FGG: variants seen among roughly 807,000 people sequenced by gnomAD.
The protein encoded by FGG is fibrinogen gamma chain.
Under a neutral mutation model 51.7 loss-of-function variants are expected in FGG, and 20 were observed. The observed-to-expected ratio is 0.39, with a 90% CI of 0.27 to 0.56. The LOEUF (loss-of-function observed/expected upper bound fraction) is 0.56. Ranked by LOEUF, FGG falls within the 20% of genes least tolerant of loss-of-function variation. The probability of loss-of-function intolerance (pLI) is 0.64; values close to 1 mark genes in which losing one functional copy is unlikely to be tolerated. For synonymous variants in FGG, 184 were observed against 184.7 expected, an observed-to-expected ratio of 1.00 and a Z score of 0.03; for missense variants, 460 against 534.2, an observed-to-expected ratio of 0.86 and a Z score of 1.37.
intron 4 of FGG, among the ~76,000 whole-genome samples, chr4:154,610,435 A>G (rs1731186608): frequency 6.6e-6 from 1 of 152,210 alleles, no homozygotes; most frequent in African/African-American, 2.4e-5. Context: ...ACAGGAATAC[A>G]ATGTGGACCT....
Position 154,606,685 on chromosome 4 carries a change from T to G in FGG, c.1129+20A>C, listed in dbSNP as rs1731102430. On this transcript the variant is annotated intron_variant, in intron 8 of 8. Coordinates refer to ENST00000336098, the MANE Select transcript of FGG (RefSeq NM_021870.3). ...GTATACACTATACATTAACTTGGAA[T>G]CTAAGAAAGGAAAACATACCTTGGT... The G allele has an allele frequency of 6.2e-7, 1 of 1,613,328 alleles. No homozygotes were observed.
In FGG at chr4:154,612,254, A is replaced by T. The variant is rs566983245; in HGVS notation, c.124-53T>A. 233 of 1,586,576 alleles carry T rather than the reference A, an allele frequency of 1.5e-4. 4 individuals carry two copies. The South Asian group carries it at 2.5e-3, about 17-fold the overall frequency. On this transcript the variant is annotated intron_variant, in intron 2 of 8. Coordinates refer to ENST00000336098, the MANE Select transcript of FGG (RefSeq NM_021870.3). ...TAGACAGATGCTACTCTTAAAATCT[A>T]TTAAGAAAAATAGGTAAAACCTAGA...
At chr4:154,608,300 C>T (rs1731136713) in intron 7 of FGG, among the ~76,000 whole-genome samples, 166 bp downstream of exon 7, 2 of 152,144 alleles carry the variant, frequency 1.3e-5, no homozygotes, top group Admixed American at 1.3e-4. Flanking sequence ...ATAGAATTTA[C>T]CTTTTTGGAT....
intron 8 of FGG, 80 bp from the exon 9 acceptor site, chr4:154,605,146 G>A (rs1578807568): frequency 1.4e-6 from 2 of 1,432,264 alleles, no homozygotes; most frequent in East Asian, 2.3e-5. Flanking sequence ...TGTCTATTAC[G>A]AAGTGCATTG....
chr4:154,608,269 A>G lies in FGG; in HGVS notation c.851+197T>C, dbSNP rs1731136219. On this transcript the variant is annotated intron_variant, in intron 7 of 8. Coordinates refer to ENST00000336098, the MANE Select transcript of FGG (RefSeq NM_021870.3). Reference sequence around the variant, plus strand: ...GTTCCAGGGTAATTAGATTGTACCAATACACTTAGATTCATCCTGAATAGA... The same window carrying G: ...GTTCCAGGGTAATTAGATTGTACCAGTACACTTAGATTCATCCTGAATAGA... Among the ~76,000 whole-genome samples, 2 of 152,186 alleles carry G rather than the reference A, an allele frequency of 1.3e-5. 1 individual carries two copies. Among genetic ancestry groups the G allele is most frequent in the South Asian group, 4.1e-4 (2 of 4,826 alleles).
intron 8 of FGG, among the ~76,000 whole-genome samples, chr4:154,605,436 T>C (rs1266981571): frequency 6.6e-6 from 1 of 152,100 alleles, no homozygotes; most frequent in Non-Finnish European, 1.5e-5. Context: ...CCTGATGAGG[T>C]CAACTCAGGT....
chr4:154,607,320 T>C (rs1270237156), intron 7 of FGG, among the ~76,000 whole-genome samples: 2 of 152,248 alleles, frequency 1.3e-5, no homozygotes, highest in Admixed American at 1.3e-4. Context: ...TTTATTGAAA[T>C]GTTATGTGTT....
rs1180326918 is a variant in FGG at position 154,609,542 on chromosome 4, C to T, written c.666+88G>A. The T allele has an allele frequency of 1.6e-5, 24 of 1,482,316 alleles. No individual in the cohort carries two copies. In the East Asian group the frequency reaches 2.3e-4, roughly 14 times the overall value. The allele number at this position is 1,482,316 out of a possible 1,614,324, so 91.8% of individuals were successfully genotyped here. A position where few individuals can be genotyped will look rare whatever the true frequency, so the allele number is the denominator to read the frequency against. On this transcript the variant is annotated intron_variant, in intron 6 of 8. Transcript: ENST00000336098. ...GCTATTGCAAGGATTAAATGAGCTA[C>T]GGTTCACAAGGTGCTTAGAAAAGTA... is the stretch of plus-strand genomic sequence containing the variant.
Position 154,604,786 on chromosome 4 carries a change from G to A in FGG, c.*48C>T. ...AAGAGAAAAAAGGAAGAAACTTTCA[G>A]AGAATTTCTGAAACTTTGTGGGTCA... On this transcript the variant is annotated 3_prime_UTR_variant, in exon 9 of 9. Transcript: ENST00000336098. 1 of 1,611,498 alleles carries A rather than the reference G, an allele frequency of 6.2e-7. No individual in the cohort carries two copies. The highest frequency in any genetic ancestry group is 8.5e-7 in the Non-Finnish European group (1 of 1,179,532).
chr4:154,612,068 A>T lies in FGG; in HGVS notation c.257T>A (p.Leu86Gln). ...ATAAGTGAGTTGGATTGCTTTTATCAGCTGTTTGACTTCTGATGTTTTGTT... is the reference window on the plus strand; with the variant it reads ...ATAAGTGAGTTGGATTGCTTTTATCTGCTGTTTGACTTCTGATGTTTTGTT... ...VENKTSEVKQ[L>Q]IKAIQLTYNP... Residue 86 changes from leucine (L) to glutamine (Q), a missense_variant, in exon 3 of 9, where the codon CTG (leucine) becomes CAG (glutamine). Physicochemically the swap from Leu to Gln is moderately radical, Grantham distance 113. Around this residue, in one of 3 missense-constraint regions of FGG, gnomAD observed 353 missense variants for 391.7 expected, o/e 0.90. Transcript: ENST00000336098. The T allele has an allele frequency of 6.2e-7, 1 of 1,613,042 alleles. No individual in the cohort carries two copies. The highest frequency in any genetic ancestry group is 1.1e-5 in the South Asian group (1 of 90,998).
chr4:154,607,013 C>T (rs1051286771), intron 7 of FGG, 31 bp from the exon 8 acceptor site: 2 of 1,537,190 alleles, frequency 1.3e-6, no homozygotes, highest in South Asian at 2.6e-5. Context: ...CCATCACATG[C>T]TGACCCTCCT....
In FGG at chr4:154,604,861, G is replaced by C; in HGVS notation, c.1335C>G (p.Asp445Glu). The change falls in exon 9 of 9, where the codon GAC (aspartate) becomes GAG (glutamate). Residue 445 changes from aspartate (D) to glutamate (E), a missense_variant. Transcript: ENST00000336098. ...ACAAATCATCCTCAGGGTAAAGTGA[G>C]TCATATTCTGTTTCCGCAGGGTGCT... ...RPEHPAETEYDSLYPEDDL is the reference protein window; with the variant it reads ...RPEHPAETEYESLYPEDDL The C allele has an allele frequency of 6.2e-7, 1 of 1,614,074 alleles. No individual in the cohort carries two copies. The highest frequency in any genetic ancestry group is 1.3e-5 in the African/African-American group (1 of 75,036).
At chr4:154,612,280 C>T (rs1409028826) in intron 2 of FGG, 79 bp from the exon 3 acceptor site, 2 of 1,586,802 alleles carry the variant, frequency 1.3e-6, no homozygotes, top group Non-Finnish European at 1.7e-6. Context: ...AAAACCTAGA[C>T]TATGTTTTTA....
chr4:154,604,859 G>A lies in FGG; in HGVS notation c.1337C>T (p.Ser446Leu). ...PEHPAETEYD[S>L]LYPEDDL is the part of the protein sequence containing the mutation. The stretch of plus-strand genomic sequence containing the variant: ...CTACAAATCATCCTCAGGGTAAAGT[G>A]AGTCATATTCTGTTTCCGCAGGGTG... The change falls in exon 9 of 9, where the codon TCA (serine) becomes TTA (leucine). Residue 446 changes from serine (S) to leucine (L), a missense_variant. This residue lies in a region of FGG where 92 missense variants were observed against 93.7 expected (regional missense o/e 0.98). Transcript: ENST00000336098. The A allele has an allele frequency of 6.2e-7, 1 of 1,614,088 alleles. No homozygotes were observed. The highest frequency in any genetic ancestry group is 8.5e-7 in the Non-Finnish European group (1 of 1,179,944).
At position 154,604,762 on chromosome 4, in the gene FGG, A is replaced by T. The variant is rs1463703851; in HGVS notation, c.*72T>A. The T allele has an allele frequency of 4.4e-6, 7 of 1,604,270 alleles. No homozygotes were observed. The highest frequency in any genetic ancestry group is 5.9e-6 in the Non-Finnish European group (7 of 1,177,074). Reference sequence around the variant, plus strand: ...AGACTTGAAATCAATAAATATAGTAAGAGAAAAAAGGAAGAAACTTTCAGA... The same window carrying T: ...AGACTTGAAATCAATAAATATAGTATGAGAAAAAAGGAAGAAACTTTCAGA... On this transcript the variant is annotated 3_prime_UTR_variant, in exon 9 of 9. Coordinates refer to ENST00000336098, the MANE Select transcript of FGG (RefSeq NM_021870.3).
intron 6 of FGG, among the ~76,000 whole-genome samples, chr4:154,609,418 T>C (rs982946576): frequency 7.2e-5 from 11 of 152,156 alleles, no homozygotes; most frequent in African/African-American, 2.4e-4. Flanking sequence ...GCTGACTCTG[T>C]TGCTTATTAG....
rs1731227050 is a variant in FGG, at chr4:154,612,119, A to G, written c.206T>C (p.Leu69Ser). 6.2e-7 allele frequency: 1 copy of G among 1,612,736 alleles called. No individual in the cohort carries two copies. Among genetic ancestry groups the G allele is most frequent in the Non-Finnish European group, 8.5e-7 (1 of 1,179,694 alleles). ...QTKVDKDLQS[L>S]EDILHQVENK... is the part of the protein sequence containing the mutation. ...TTCAACTTGATGTAAGATGTCTTCC[A>G]AAGACTGTAGATCCTTGTCTACTTT... The change falls in exon 3 of 9, where the codon TTG becomes TCG. Residue 69 changes from leucine to serine, a missense_variant. Leu to Ser is a moderately radical substitution (Grantham distance 145). Transcript: ENST00000336098.
chr4:154,605,439 AC>A (rs1731080733), intron 8 of FGG, among the ~76,000 whole-genome samples: 1 of 152,128 alleles, frequency 6.6e-6, no homozygotes, highest in Admixed American at 6.6e-5. Context: ...GATGAGGTCA[AC>A]TCAGGTTATT....
intron 8 of FGG, among the ~76,000 whole-genome samples, chr4:154,606,328 C>T (rs1731095969): frequency 2.6e-5 from 4 of 152,186 alleles, no homozygotes; most frequent in South Asian, 4.1e-4. Flanking sequence ...GTGTATCTGA[C>T]ACAAAGCTCA....
Sources: gnomAD v4.1 joint callset for allele counts (sites outside exome capture counted in the v4.1 genomes callset) on GRCh38, gnomAD v4.1.1 for gene constraint, gnomAD v4.1.1 regional missense constraint, MANE v1.5 for transcripts, NCBI Gene and HGNC (gene_info 2026-07-23, HGNC 2026-07-21) for gene names.